Variants in WAPL observed in about 807,000 individuals in gnomAD.
The protein encoded by WAPL is WAPL cohesin release factor.
In WAPL, 5 loss-of-function variants were observed where a neutral mutation model predicts 121.0. The observed-to-expected ratio is 0.04, with a 90% CI of 0.02 to 0.09. WAPL has a LOEUF of 0.09. WAPL is among the 10% of genes least tolerant of loss of function. The probability of loss-of-function intolerance (pLI) is 1.00; values close to 1 mark genes in which losing one functional copy is unlikely to be tolerated. For missense variants in WAPL, 999 were observed against 1,410.8 expected (o/e 0.71, Z 4.68); for synonymous variants, 480 against 481.5 (o/e 1.00, Z 0.04).
At chr10:86,447,320 G>C (rs1660247327) in intron 15 of WAPL, among the ~76,000 whole-genome samples, 1 of 152,212 alleles carries the variant, frequency 6.6e-6, no homozygotes, top group Non-Finnish European at 1.5e-5. Context: ...AAATGTATTA[G>C]AAGAGAATGA....
At chr10:86,452,310 A>G (rs112162103) in intron 14 of WAPL, among the ~76,000 whole-genome samples, 179 bp from the exon 15 acceptor site, 3,771 of 152,034 alleles carry the variant, frequency 0.025, 85 homozygotes, top group Middle Eastern at 0.075. Flanking sequence ...AAAAGAAAAA[A>G]GGCCAGGCAC....
intron 5 of WAPL, among the ~76,000 whole-genome samples, chr10:86,473,313 CTTA>C (rs934863088): frequency 6.6e-6 from 1 of 152,144 alleles, no homozygotes; most frequent in Non-Finnish European, 1.5e-5. Context: ...CCCCAAATTT[CTTA>C]TTGTTATAAA....
At chr10:86,443,514 T>G in intron 16 of WAPL, 151 bp from the exon 17 acceptor site, 1 of 493,010 alleles carries the variant, frequency 2.0e-6, no homozygotes, top group Non-Finnish European at 3.4e-6. Context: ...TAACAAAAAT[T>G]TAATCAAAAT....
At chr10:86,484,372 G>A (rs963519852) in intron 4 of WAPL, among the ~76,000 whole-genome samples, 2 of 152,110 alleles carry the variant, frequency 1.3e-5, no homozygotes, top group African/African-American at 4.8e-5. Context: ...ATGTCCACCT[G>A]TAGTCCCAGC....
chr10:86,443,397 T>A lies in WAPL; in HGVS notation c.3323-34A>T, dbSNP rs762237033. The A allele has an allele frequency of 3.1e-6, 5 of 1,597,028 alleles. No individual in the cohort carries two copies. The South Asian group carries it at 4.5e-5, about 14-fold the overall frequency. On this transcript the variant is annotated intron_variant, in intron 16 of 18. Transcript: ENST00000298767. ...ATTGAAGTAAAGAATTGTAACAGTA[T>A]ATTAATTAACACAAACCTCACAAAA...
Position 86,517,990 on chromosome 10 carries a change from T to C in WAPL, c.80A>G (p.Lys27Arg). Residue 27 changes from lysine to arginine, a missense_variant, in exon 2 of 19, where the codon AAA (lysine) becomes AGA (arginine). By Grantham distance (26) the Lys-to-Arg change is conservative. This residue lies in a region of WAPL where 30 missense variants were observed against 56.4 expected (regional missense o/e 0.53). Coordinates refer to ENST00000298767, the MANE Select transcript of WAPL (RefSeq NM_015045.5). The stretch of plus-strand genomic sequence containing the variant: ...CCATTTTGTGCTAAGGGTAGTCCGT[T>C]TGTTGGAAAAGACTTCATCGAATTT... The part of the protein sequence containing the change: ...SSKFDEVFSN[K>R]RTTLSTKWGE... The C allele has an allele frequency of 6.2e-7, 1 of 1,614,206 alleles. No individual in the cohort carries two copies. The highest frequency in any genetic ancestry group is 1.1e-5 in the South Asian group (1 of 91,078).
chr10:86,466,215 C>G (rs1841391696), intron 9 of WAPL, among the ~76,000 whole-genome samples: 1 of 152,258 alleles, frequency 6.6e-6, no homozygotes, highest in African/African-American at 2.4e-5. Flanking sequence ...CAGGGTTCTT[C>G]AAGTCCCATG....
chr10:86,444,519 T>G (rs1849553976), intron 16 of WAPL, among the ~76,000 whole-genome samples: 1 of 152,148 alleles, frequency 6.6e-6, no homozygotes, highest in Non-Finnish European at 1.5e-5. Flanking sequence ...AAATACTGTA[T>G]CACGGATGAA....
chr10:86,512,890 T>A (rs539191344), intron 2 of WAPL, among the ~76,000 whole-genome samples: 1 of 152,248 alleles, frequency 6.6e-6, no homozygotes, highest in East Asian at 1.9e-4. Flanking sequence ...CCTGAAAAGT[T>A]TCATAATAAA....
intron 17 of WAPL, among the ~76,000 whole-genome samples, chr10:86,440,746 C>G (rs1305035586): frequency 6.6e-6 from 1 of 152,134 alleles, no homozygotes; most frequent in East Asian, 1.9e-4. Context: ...GAACTTTGGT[C>G]TTGATCCTGA....
chr10:86,459,885 C>T (rs1012021676), intron 11 of WAPL, among the ~76,000 whole-genome samples: 1 of 152,088 alleles, frequency 6.6e-6, no homozygotes, highest in Non-Finnish European at 1.5e-5. Context: ...AGGCTGAAGC[C>T]GGCAGGCCAC....
intron 13 of WAPL, 53 bp downstream of exon 13, chr10:86,453,601 GTT>G (rs1389275919): frequency 6.6e-7 from 1 of 1,519,412 alleles, no homozygotes; most frequent in Non-Finnish European, 8.8e-7. Context: ...AAAATAACTT[GTT>G]TTCACATGCA....
In WAPL at chr10:86,484,730, T is replaced by C. The variant is rs754014572; in HGVS notation, c.1645-10757A>G. 2.6e-5 allele frequency among the ~76,000 whole-genome samples: 4 copies of C among 152,208 alleles called. No homozygotes were observed. The South Asian group carries it at 8.3e-4, about 32-fold the overall frequency. On this transcript the variant is annotated intron_variant, in intron 4 of 18. Coordinates refer to ENST00000298767, the MANE Select transcript of WAPL (RefSeq NM_015045.5). ...ACCATTTTTATATGTATTTTTACTG[T>C]ACCTTTTCTAGGTTTAGATACACAA...
chr10:86,462,852 G>A (rs763029106), intron 9 of WAPL, among the ~76,000 whole-genome samples: 11 of 151,938 alleles, frequency 7.2e-5, no homozygotes, highest in Non-Finnish European at 1.2e-4. Flanking sequence ...AGACTGGTTC[G>A]TGTGTGTTAA....
intron 4 of WAPL, among the ~76,000 whole-genome samples, chr10:86,486,917 T>C (rs758775031): frequency 2.6e-5 from 4 of 152,008 alleles, no homozygotes; most frequent in East Asian, 1.9e-4. Context: ...GATCACACCA[T>C]TGCACTCCAG....
At position 86,472,889 on chromosome 10, in the gene WAPL, G is replaced by GCCGGGCGCGGTGGCTC; in HGVS notation, c.1741-126_1741-125insGAGCCACCGCGCCCGG. On this transcript the variant is annotated intron_variant, in intron 5 of 18. Transcript: ENST00000298767. This position sits in a 1 kb window ranked among gnomAD's most constrained non-coding sequence, Gnocchi z 4.2. ...AGCTTTTTAAAAAGCAGGGAGCAGGGAGGCCTCTCAAAGGTCTTTAGAAAT... is the reference window on the plus strand; with the variant it reads ...AGCTTTTTAAAAAGCAGGGAGCAGGGCCGGGCGCGGTGGCTCAGGCCTCTCAAAGGTCTTTAGAAAT... 1 of 1,006,390 alleles carries GCCGGGCGCGGTGGCTC rather than the reference G, an allele frequency of 9.9e-7. No homozygotes were observed. Among genetic ancestry groups the GCCGGGCGCGGTGGCTC allele is most frequent in the Non-Finnish European group, 1.4e-6 (1 of 721,958 alleles). The allele number at this position is 1,006,390 out of a possible 1,614,324, so 62.3% of individuals were successfully genotyped here. A position where few individuals can be genotyped will look rare whatever the true frequency, so the allele number is the denominator to read the frequency against.
intron 4 of WAPL, among the ~76,000 whole-genome samples, chr10:86,485,662 C>G (rs1841915870): frequency 2.0e-5 from 3 of 151,984 alleles, no homozygotes; most frequent in African/African-American, 7.2e-5. Context: ...TTTTCCTAAG[C>G]CTTTTTGACT....
At chr10:86,486,939 G>A (rs1249539245) in intron 4 of WAPL, among the ~76,000 whole-genome samples, 2 of 151,952 alleles carry the variant, frequency 1.3e-5, no homozygotes, top group Non-Finnish European at 2.9e-5. Context: ...CTGAGCAACT[G>A]GAGTGAAACC....
At chr10:86,520,759 T>C (rs1244033457) in intron 1 of WAPL, among the ~76,000 whole-genome samples, 2 of 115,116 alleles carry the variant, frequency 1.7e-5, no homozygotes, top group Non-Finnish European at 3.4e-5. Context: ...AGAAGTGCGC[T>C]GTGATTTAAA....
Sources: gnomAD v4.1 joint callset for allele counts (sites outside exome capture counted in the v4.1 genomes callset) on GRCh38, gnomAD v4.1.1 for gene constraint, gnomAD v4.1.1 regional missense constraint, Gnocchi (gnomAD v3.1) non-coding constraint, MANE v1.5 for transcripts, NCBI Gene and HGNC (gene_info 2026-07-23, HGNC 2026-07-21) for gene names.